PCDH9: variants seen among roughly 807,000 people sequenced by gnomAD.
PCDH9 encodes protocadherin 9, also known as protocadherin-9.
PCDH9 carries 24 observed loss-of-function variants against 70.6 expected under a neutral mutation model. The observed-to-expected ratio is 0.34, with a 90% CI of 0.25 to 0.48. The LOEUF (loss-of-function observed/expected upper bound fraction) is 0.48. Among genes scored for constraint, PCDH9 ranks in the 20% least tolerant of loss-of-function variants. The pLI is 0.99. For synonymous variants in PCDH9, 562 were observed against 558.5 expected (o/e 1.01, Z -0.09); for missense variants, 1,281 against 1,503.6 (o/e 0.85, Z 2.45).
chr13:66,681,161 A>AC (rs2078313645), intron 3 of PCDH9, among the ~76,000 whole-genome samples: 1 of 151,776 alleles, frequency 6.6e-6, no homozygotes, highest in Non-Finnish European at 1.5e-5. Context: ...CAATCACTTT[A>AC]CCCCCCACAA....
At chr13:66,682,482 C>T (rs1456758044) in intron 3 of PCDH9, among the ~76,000 whole-genome samples, 1 of 151,956 alleles carries the variant, frequency 6.6e-6, no homozygotes, top group Non-Finnish European at 1.5e-5. Context: ...ATTGTTTCTG[C>T]TGTTCATTGC....
intron 4 of PCDH9, among the ~76,000 whole-genome samples, chr13:66,373,711 A>G (rs571858983): frequency 6.6e-6 from 1 of 152,222 alleles, no homozygotes; most frequent in South Asian, 2.1e-4. Flanking sequence ...AATTTGATCT[A>G]TATAAGAGTA....
intron 2 of PCDH9, among the ~76,000 whole-genome samples, chr13:66,939,272 A>T (rs1370854756): frequency 6.6e-6 from 1 of 152,178 alleles, no homozygotes; most frequent in Non-Finnish European, 1.5e-5. Flanking sequence ...TCTAGGATCA[A>T]ATGAAGTTCA....
At chr13:66,923,447 T>G (rs2082669254) in intron 2 of PCDH9, among the ~76,000 whole-genome samples, 1 of 151,680 alleles carries the variant, frequency 6.6e-6, no homozygotes, top group African/African-American at 2.4e-5. Context: ...GACTTTATCT[T>G]AAGCAAGACA....
intron 2 of PCDH9, among the ~76,000 whole-genome samples, chr13:67,142,026 A>G (rs747394277): frequency 2.0e-5 from 3 of 152,170 alleles, no homozygotes; most frequent in Admixed American, 6.5e-5. Flanking sequence ...TTGGGTTAGA[A>G]AATACTGTGG....
At chr13:66,961,919 C>T (rs1381178428) in intron 2 of PCDH9, among the ~76,000 whole-genome samples, 3 of 151,798 alleles carry the variant, frequency 2.0e-5, no homozygotes, top group African/African-American at 4.8e-5. Flanking sequence ...GGCATGGTGG[C>T]GTGTGCCGGT....
intron 4 of PCDH9, among the ~76,000 whole-genome samples, chr13:66,462,136 C>T (rs898557273): frequency 2.6e-5 from 4 of 151,784 alleles, no homozygotes; most frequent in African/African-American, 9.7e-5. Context: ...GTGTTACAAA[C>T]CATGCTCCCC....
At chr13:67,228,881 CT>C (rs1409102144) in intron 1 of PCDH9, among the ~76,000 whole-genome samples, 2 of 152,192 alleles carry the variant, frequency 1.3e-5, no homozygotes, top group Non-Finnish European at 2.9e-5. Context: ...TCCCCTCCCC[CT>C]GTCTCACCCT....
chr13:66,782,704 T>C (rs1261022138), intron 3 of PCDH9: 1 of 152,140 alleles, frequency 6.6e-6, no homozygotes, highest in Admixed American at 6.6e-5. Context: ...AAATTACAGG[T>C]GTGACTCACA....
At chr13:66,903,306 A>G (rs1253735125) in intron 3 of PCDH9, among the ~76,000 whole-genome samples, 198 bp downstream of exon 3, 1 of 151,174 alleles carries the variant, frequency 6.6e-6, no homozygotes, top group African/African-American at 2.4e-5. Flanking sequence ...TACTCAACAG[A>G]AAAAAAAAGA....
chr13:66,493,374 A>C (rs1959064270), intron 4 of PCDH9, among the ~76,000 whole-genome samples: 1 of 152,192 alleles, frequency 6.6e-6, no homozygotes, highest in African/African-American at 2.4e-5. Context: ...TATTCTTAAT[A>C]AATTCTTTTA....
intron 3 of PCDH9, among the ~76,000 whole-genome samples, chr13:66,830,947 C>G (rs1198668700): frequency 6.6e-6 from 1 of 152,100 alleles, no homozygotes; most frequent in East Asian, 1.9e-4. Context: ...AAGTGCCATA[C>G]TGAAAACACT....
In PCDH9 at chr13:66,881,590, G is replaced by C. The variant is rs535233373; in HGVS notation, c.3138+21914C>G. ...AAGCCAAATCATATCATTCAATAAG[G>C]GATATATAATAATATATGATTCTGA... On this transcript the variant is annotated intron_variant, in intron 3 of 4. Transcript: ENST00000377865. Among the ~76,000 whole-genome samples the C allele has an allele frequency of 3.6e-4, 54 of 151,958 alleles. No homozygotes were observed. In the South Asian group the frequency reaches 0.011, roughly 32 times the overall value.
chr13:66,843,873 AAAT>A (rs1308134147), intron 3 of PCDH9, among the ~76,000 whole-genome samples: 1 of 152,210 alleles, frequency 6.6e-6, no homozygotes, highest in Non-Finnish European at 1.5e-5. Flanking sequence ...GTGTCCTTAT[AAAT>A]GCCCTTTTGG....
At chr13:66,326,020 A>G (rs958796892) in intron 4 of PCDH9, among the ~76,000 whole-genome samples, 2 of 152,088 alleles carry the variant, frequency 1.3e-5, no homozygotes, top group African/African-American at 4.8e-5. Context: ...TCATTACTCT[A>G]TCAAACCTCC....
chr13:66,706,626 C>G (rs768270097), intron 3 of PCDH9, among the ~76,000 whole-genome samples: 2 of 152,096 alleles, frequency 1.3e-5, no homozygotes, highest in Non-Finnish European at 2.9e-5. Context: ...TGCCAAGTGA[C>G]AAATGATGTT....
chr13:66,730,149 C>A (rs2079053843), intron 3 of PCDH9, among the ~76,000 whole-genome samples: 1 of 152,098 alleles, frequency 6.6e-6, no homozygotes, highest in African/African-American at 2.4e-5. Context: ...TTGATTAATT[C>A]TACTGACAAG....
intron 3 of PCDH9, among the ~76,000 whole-genome samples, chr13:66,750,188 C>T (rs2079435498): frequency 6.6e-6 from 1 of 151,916 alleles, no homozygotes; most frequent in Non-Finnish European, 1.5e-5. Context: ...AGAGGAAGGG[C>T]ATTATTACTA....
At chr13:67,073,739 A>G (rs1451228288) in intron 2 of PCDH9, among the ~76,000 whole-genome samples, 1 of 152,138 alleles carries the variant, frequency 6.6e-6, no homozygotes, top group Non-Finnish European at 1.5e-5. Flanking sequence ...GCTTCACATT[A>G]AAGAAGTTTC....
Sources: gnomAD v4.1 joint callset for allele counts (sites outside exome capture counted in the v4.1 genomes callset) on GRCh38, gnomAD v4.1.1 for gene constraint, MANE v1.5 for transcripts, NCBI Gene and HGNC (gene_info 2026-07-23, HGNC 2026-07-21) for gene names.